The following STPG2 variants were observed in gnomAD, a reference collection of about 807,000 sequenced individuals.
STPG2 encodes the protein sperm tail PG-rich repeat containing 2.
In STPG2, 56 loss-of-function variants were observed where a neutral mutation model predicts 54.2. The ratio of observed to expected loss-of-function variants is 1.03; its 90% CI spans 0.83 to 1.29. The LOEUF is 1.29. Among genes scored for constraint, STPG2 ranks in the 50% most tolerant of loss-of-function variants. STPG2 has a pLI of 0.00. For missense variants in STPG2, 596 were observed against 544.9 expected (o/e 1.09, Z -0.93); for synonymous variants, 200 against 181.8 (o/e 1.10, Z -0.81).
At chr4:98,044,239 A>G (rs1382858812) in intron 5 of STPG2, among the ~76,000 whole-genome samples, 1 of 152,134 alleles carries the variant, frequency 6.6e-6, no homozygotes, top group African/African-American at 2.4e-5. Flanking sequence ...GTAATATACT[A>G]CTTTCTTTTG....
intron 5 of STPG2, among the ~76,000 whole-genome samples, chr4:98,012,385 A>T (rs1190161454): frequency 1.3e-5 from 2 of 152,194 alleles, no homozygotes; most frequent in Non-Finnish European, 2.9e-5. Flanking sequence ...AAGTAGCATG[A>T]TGCCTCCAGC....
intron 4 of STPG2, among the ~76,000 whole-genome samples, chr4:97,472,881 C>T (rs1729973173): frequency 6.6e-6 from 1 of 152,170 alleles, no homozygotes; most frequent in Non-Finnish European, 1.5e-5. Context: ...GTTAGAAGAA[C>T]ATAGATTGTG....
intron 4 of STPG2, among the ~76,000 whole-genome samples, chr4:97,463,919 T>A (rs891765054): frequency 6.6e-6 from 1 of 152,208 alleles, no homozygotes; most frequent in East Asian, 1.9e-4. Context: ...ATTTAGTAGA[T>A]CAGGTCTTTG....
intron 4 of STPG2, among the ~76,000 whole-genome samples, chr4:97,495,969 G>A (rs1730603636): frequency 6.6e-6 from 1 of 151,194 alleles, no homozygotes; most frequent in Non-Finnish European, 1.5e-5. Context: ...AATGTTTTTT[G>A]TGCTTCCAAG....
intron 10 of STPG2, among the ~76,000 whole-genome samples, chr4:97,612,483 G>A (rs1007186942): frequency 1.3e-5 from 2 of 152,188 alleles, no homozygotes; most frequent in East Asian, 3.9e-4. Flanking sequence ...GTGTACCAAA[G>A]TAAACAGTTC....
At chr4:98,130,026 T>A (rs972453325) in intron 2 of STPG2, among the ~76,000 whole-genome samples, 12 of 149,186 alleles carry the variant, frequency 8.0e-5, no homozygotes, top group Admixed American at 2.0e-4. Context: ...CCTGGCTAAT[T>A]TTTTTGTATT....
intron 9 of STPG2, among the ~76,000 whole-genome samples, chr4:97,767,626 A>G (rs1319821079): frequency 1.3e-5 from 2 of 152,124 alleles, no homozygotes; most frequent in Non-Finnish European, 2.9e-5. Flanking sequence ...TTTGGAAGCA[A>G]TTTTTAATAA....
chr4:97,763,244 G>A (rs1725942162), intron 9 of STPG2, among the ~76,000 whole-genome samples: 1 of 152,110 alleles, frequency 6.6e-6, no homozygotes, highest in South Asian at 2.1e-4. Context: ...GCATACAGTT[G>A]TCTATATAGT....
At chr4:98,139,694 T>C (rs1398441047) in intron 1 of STPG2, among the ~76,000 whole-genome samples, 1 of 152,178 alleles carries the variant, frequency 6.6e-6, no homozygotes, top group African/African-American at 2.4e-5. Context: ...ATGTATAGGA[T>C]GCAGCTGCTC....
intron 8 of STPG2, among the ~76,000 whole-genome samples, chr4:97,927,532 G>C (rs1277359827): frequency 6.6e-6 from 1 of 151,930 alleles, no homozygotes; most frequent in South Asian, 2.1e-4. Context: ...CTAAACAATA[G>C]TGATTACATT....
chr4:97,719,245 T>C (rs1724377333), intron 9 of STPG2, among the ~76,000 whole-genome samples: 1 of 151,930 alleles, frequency 6.6e-6, no homozygotes, highest in Non-Finnish European at 1.5e-5. Context: ...ACAGGGTTTA[T>C]TCACTACCCT....
chr4:97,556,675 A>G (rs1401709703), downstream of STPG2, among the ~76,000 whole-genome samples: 1 of 152,228 alleles, frequency 6.6e-6, no homozygotes, highest in African/African-American at 2.4e-5. Flanking sequence ...AAACTAAAAT[A>G]GAATGATAAA....
chr4:97,923,597 T>C (rs1024785091), intron 8 of STPG2, among the ~76,000 whole-genome samples: 1 of 152,222 alleles, frequency 6.6e-6, no homozygotes, highest in Non-Finnish European at 1.5e-5. Context: ...CAGCACTCTG[T>C]GTCTAGCTCA....
chr4:97,624,345 G>C (rs190215753), intron 10 of STPG2, among the ~76,000 whole-genome samples: 294 of 152,116 alleles, frequency 1.9e-3, no homozygotes, highest in Non-Finnish European at 3.0e-3. Flanking sequence ...ATCTCATTGT[G>C]GTTTTTATTT....
intron 8 of STPG2, among the ~76,000 whole-genome samples, chr4:97,914,338 T>C (rs1035617670): frequency 1.2e-4 from 19 of 152,168 alleles, no homozygotes; most frequent in African/African-American, 3.9e-4. Flanking sequence ...AGAATCAGCA[T>C]ACTGAACTAA....
chr4:97,731,536 C>T (rs548439026), intron 9 of STPG2, among the ~76,000 whole-genome samples: 1 of 152,262 alleles, frequency 6.6e-6, no homozygotes, highest in African/African-American at 2.4e-5. Context: ...CATGCTTCCC[C>T]AACCAGGTCT....
At chr4:97,959,639 C>T (rs1269966515) in intron 7 of STPG2, among the ~76,000 whole-genome samples, 1 of 151,752 alleles carries the variant, frequency 6.6e-6, no homozygotes, top group Non-Finnish European at 1.5e-5. Flanking sequence ...TACAACCAAC[C>T]TAGCTTAAAT....
intron 4 of STPG2, among the ~76,000 whole-genome samples, chr4:97,538,514 C>T (rs1448253948): frequency 6.6e-6 from 1 of 152,142 alleles, no homozygotes; most frequent in Non-Finnish European, 1.5e-5. Flanking sequence ...AAGAAATGAA[C>T]AAAGCCTCCA....
chr4:97,784,670 TTC>T (rs2149075277), intron 9 of STPG2, among the ~76,000 whole-genome samples: 1 of 151,884 alleles, frequency 6.6e-6, no homozygotes, highest in East Asian at 1.9e-4. Flanking sequence ...TGCCCTATTA[TTC>T]AATGATACAT....
Sources: allele counts gnomAD v4.1 joint callset (sites outside exome capture counted in the v4.1 genomes callset), GRCh38; gene constraint gnomAD v4.1.1; transcripts MANE v1.5; gene names NCBI Gene and HGNC (gene_info 2026-07-23, HGNC 2026-07-21).